The following SCAMP1 variants were observed in gnomAD, a reference collection of about 807,000 sequenced individuals.
SCAMP1 encodes secretory carrier membrane protein 1.
A neutral mutation model predicts 41.8 loss-of-function variants in SCAMP1; 15 were observed. The observed-to-expected ratio is 0.36, with a 90% CI of 0.24 to 0.55. The LOEUF (loss-of-function observed/expected upper bound fraction) is 0.55, where lower values mean the gene tolerates loss of function less well. Ranked by LOEUF, SCAMP1 falls within the 20% of genes least tolerant of loss-of-function variation. The pLI, the probability that SCAMP1 is intolerant of heterozygous loss-of-function variation, is 0.86. For missense variants in SCAMP1, 341 were observed against 412.6 expected (o/e 0.83, Z 1.50); for synonymous variants, 135 against 136.8 (o/e 0.99, Z 0.09).
chr5:78,455,478 A>G (rs1170518573), intron 7 of SCAMP1, among the ~76,000 whole-genome samples: 1 of 130,554 alleles, frequency 7.7e-6, no homozygotes, highest in African/African-American at 3.0e-5. Flanking sequence ...TTCAGTTTCC[A>G]TGTAGTTGAG....
intron 1 of SCAMP1, among the ~76,000 whole-genome samples, chr5:78,367,127 C>T (rs1750818324): frequency 6.6e-6 from 1 of 152,070 alleles, no homozygotes; most frequent in South Asian, 2.1e-4. Context: ...GCATGAATTC[C>T]TGCTCATTTT....
At chr5:78,378,875 A>C (rs1751131138) in intron 1 of SCAMP1, among the ~76,000 whole-genome samples, 1 of 152,212 alleles carries the variant, frequency 6.6e-6, no homozygotes, top group African/African-American at 2.4e-5. Flanking sequence ...TAGAAATATA[A>C]ATTCTCAGGC....
intron 6 of SCAMP1, among the ~76,000 whole-genome samples, chr5:78,434,423 C>T (rs976872820): frequency 2.6e-5 from 4 of 152,074 alleles, no homozygotes; most frequent in South Asian, 2.1e-4. Context: ...CACTTTTCTA[C>T]GTCCTAAGCT....
At chr5:78,414,820 G>T (rs1053803140) in intron 2 of SCAMP1, among the ~76,000 whole-genome samples, 2 of 152,064 alleles carry the variant, frequency 1.3e-5, no homozygotes, top group Non-Finnish European at 1.5e-5. Flanking sequence ...ATTTAGTGGG[G>T]TTCTACCAAG....
chr5:78,366,304 C>T (rs534534792), intron 1 of SCAMP1, among the ~76,000 whole-genome samples: 5 of 151,970 alleles, frequency 3.3e-5, no homozygotes, highest in Non-Finnish European at 7.4e-5. Flanking sequence ...CCACCATGCC[C>T]AGCTAATTTT....
At chr5:78,393,365 T>A (rs1751566747) in intron 2 of SCAMP1, among the ~76,000 whole-genome samples, 1 of 152,108 alleles carries the variant, frequency 6.6e-6, no homozygotes, top group Non-Finnish European at 1.5e-5. Context: ...AGAGAAGAGG[T>A]CTTGGTAAGT....
intron 6 of SCAMP1, among the ~76,000 whole-genome samples, chr5:78,422,466 C>G (rs935327996): frequency 3.3e-5 from 5 of 152,130 alleles, no homozygotes; most frequent in Admixed American, 1.3e-4. Context: ...ACGATTTATG[C>G]TACTAGGTTA....
intron 8 of SCAMP1, among the ~76,000 whole-genome samples, chr5:78,460,782 T>TTCCTTCCTTCCTTCCTTTGGTTTCTTTTC (rs1753572586): frequency 6.6e-5 from 3 of 45,146 alleles, no homozygotes; most frequent in African/African-American, 4.6e-4. Flanking sequence ...CCTTCCTTCC[T>TTCCTTCCTTCCTTCCTTTGGTTTCTTTTC]TCCTTCCTTC....
chr5:78,462,196 A>T (rs62364312), intron 8 of SCAMP1, among the ~76,000 whole-genome samples: 3 of 147,896 alleles, frequency 2.0e-5, no homozygotes, highest in Non-Finnish European at 4.5e-5. Flanking sequence ...TGTGTGTAGG[A>T]GTGTGTGTGT....
Position 78,479,013 on chromosome 5 carries a change from C to G in SCAMP1, c.*3345C>G, listed in dbSNP as rs1446488380. 2 of 152,102 alleles carry G rather than the reference C, an allele frequency of 1.3e-5. No homozygotes were observed. Among genetic ancestry groups the G allele is most frequent in the African/African-American group, 4.8e-5 (2 of 41,438 alleles). The allele number at this position is 152,102 out of a possible 1,614,324, so 9.4% of individuals were successfully genotyped here. ...ATTTGTAATAGCATAGTGCTTTTTA[C>G]TCATTGCTGTATCTTTTTCTGAAAA... On this transcript the variant is annotated 3_prime_UTR_variant, in exon 9 of 9. Coordinates refer to ENST00000621999, the MANE Select transcript of SCAMP1 (RefSeq NM_004866.6).
chr5:78,404,453 G>GTTTTTTTTTTTTTTTTT lies in SCAMP1; in HGVS notation c.136-11063_136-11047dup, dbSNP rs3058233. Reference sequence around the variant, plus strand: ...TGAGCCACTGTGCCCAGCCTTACAGGTTTTTTTTTTTTTTTTTTTTGCTAG... The same window carrying GTTTTTTTTTTTTTTTTT: ...TGAGCCACTGTGCCCAGCCTTACAGGTTTTTTTTTTTTTTTTTTTTTTTTTTTTTTTTTTTTTGCTAG... On this transcript the variant is annotated intron_variant, in intron 2 of 8. Coordinates refer to ENST00000621999, the MANE Select transcript of SCAMP1 (RefSeq NM_004866.6). Among the ~76,000 whole-genome samples the GTTTTTTTTTTTTTTTTT allele has an allele frequency of 7.1e-4, 70 of 98,176 alleles. 7 individuals carry two copies. The highest frequency in any genetic ancestry group is 2.7e-3 in the African/African-American group (59 of 22,234). 64.4% of individuals were successfully genotyped at this position (98,176 alleles called of 152,430 possible). A position where few individuals can be genotyped will look rare whatever the true frequency, so the allele number is the denominator to read the frequency against.
chr5:78,410,752 C>A (rs1752055495), intron 2 of SCAMP1, among the ~76,000 whole-genome samples: 1 of 152,196 alleles, frequency 6.6e-6, no homozygotes, highest in African/African-American at 2.4e-5. Context: ...AACTAATTGA[C>A]ACTCACACCA....
chr5:78,454,120 G>C lies in SCAMP1; in HGVS notation c.734+4086G>C, dbSNP rs376962537. On this transcript the variant is annotated intron_variant, in intron 7 of 8. Coordinates refer to ENST00000621999, the MANE Select transcript of SCAMP1 (RefSeq NM_004866.6). The stretch of plus-strand genomic sequence containing the variant: ...GGTTTTCTAGATATACAATCATGTC[G>C]TCTGCAAACAGGGACAATTTGACTT... Among the ~76,000 whole-genome samples, 3 of 152,192 alleles carry C rather than the reference G, an allele frequency of 2.0e-5. No homozygotes were observed. The South Asian group carries it at 6.2e-4, about 32-fold the overall frequency.
At chr5:78,405,463 C>A (rs1751911709) in intron 2 of SCAMP1, among the ~76,000 whole-genome samples, 1 of 152,198 alleles carries the variant, frequency 6.6e-6, no homozygotes, top group African/African-American at 2.4e-5. Context: ...TACTTTCTCA[C>A]CTCCTTGAAG....
At chr5:78,380,998 G>T (rs1042929725) in intron 1 of SCAMP1, among the ~76,000 whole-genome samples, 1 of 152,180 alleles carries the variant, frequency 6.6e-6, no homozygotes, top group Non-Finnish European at 1.5e-5. Flanking sequence ...TGGGGGAGGT[G>T]GAGGTTGTGG....
At chr5:78,393,331 C>T (rs540484148) in intron 2 of SCAMP1, among the ~76,000 whole-genome samples, 2 of 152,230 alleles carry the variant, frequency 1.3e-5, no homozygotes, top group South Asian at 4.1e-4. Flanking sequence ...TATACTCTAC[C>T]ACATGTGGCT....
At chr5:78,454,723 T>C (rs2112219013) in intron 7 of SCAMP1, among the ~76,000 whole-genome samples, 1 of 152,312 alleles carries the variant, frequency 6.6e-6, no homozygotes, top group Middle Eastern at 3.4e-3. Context: ...GGATTCCCTC[T>C]TTTTCTATTG....
intron 6 of SCAMP1, among the ~76,000 whole-genome samples, chr5:78,428,472 A>G (rs372643794): frequency 2.6e-5 from 4 of 152,148 alleles, no homozygotes; most frequent in African/African-American, 9.7e-5. Context: ...GTTCTGATCT[A>G]TTGAACTATG....
chr5:78,436,764 G>C (rs1450717319), intron 6 of SCAMP1, among the ~76,000 whole-genome samples: 2 of 152,180 alleles, frequency 1.3e-5, no homozygotes, highest in Non-Finnish European at 2.9e-5. Context: ...TGTGAAGAAA[G>C]TCACTGGTAG....
Sources: allele counts gnomAD v4.1 joint callset (sites outside exome capture counted in the v4.1 genomes callset), GRCh38; gene constraint gnomAD v4.1.1; transcripts MANE v1.5; gene names NCBI Gene and HGNC (gene_info 2026-07-23, HGNC 2026-07-21).